The following NFATC1 variants were observed in gnomAD, a reference collection of about 807,000 sequenced individuals.
NFATC1 encodes nuclear factor of activated T cells 1, also known as nuclear factor of activated T-cells, cytoplasmic 1.
NFATC1 carries 22 observed loss-of-function variants against 76.0 expected under a neutral mutation model. The observed-to-expected ratio is 0.29, with a 90% confidence interval of 0.21 to 0.41. The LOEUF is 0.41. NFATC1 is among the 10% of genes least tolerant of loss of function. The pLI, the probability that NFATC1 is intolerant of heterozygous loss-of-function variation, is 1.00. For missense variants in NFATC1, 1,357 were observed against 1,337.7 expected (o/e 1.01, Z -0.23); for synonymous variants, 704 against 613.1 (o/e 1.15, Z -2.19).
chr18:79,508,125 A>T, intron 9 of NFATC1, among the ~76,000 whole-genome samples: 1 of 152,128 alleles, frequency 6.6e-6, no homozygotes, highest in East Asian at 1.9e-4. Flanking sequence ...GTGAACTTCA[A>T]TTATTTTTGT....
Position 79,451,134 on chromosome 18 carries a change from G to T in NFATC1, c.1762+8G>T. On this transcript the variant is annotated splice_region_variant and intron_variant, in intron 5 of 9. Transcript: ENST00000427363. Reference sequence around the variant, plus strand: ...CCAACCCCATCGAATGCTGTAAGTGGACGTCCACGCGCCCACAGGGGAGGA... The same window carrying T: ...CCAACCCCATCGAATGCTGTAAGTGTACGTCCACGCGCCCACAGGGGAGGA... The T allele has an allele frequency of 6.2e-7, 1 of 1,603,996 alleles. No individual in the cohort carries two copies. Among genetic ancestry groups the T allele is most frequent in the African/African-American group, 1.3e-5 (1 of 74,882 alleles).
chr18:79,469,084 C>G (rs750385825), intron 8 of NFATC1: 4 of 159,426 alleles, frequency 2.5e-5, no homozygotes, highest in Non-Finnish European at 5.4e-5. Context: ...TCTGGACCCC[C>G]CTGGGGTTTA....
chr18:79,471,254 C>T (rs571387589), intron 8 of NFATC1, among the ~76,000 whole-genome samples: 1 of 152,236 alleles, frequency 6.6e-6, no homozygotes, highest in Admixed American at 6.5e-5. Flanking sequence ...AGGAGAGAGG[C>T]GAACCTGGAA....
intron 1 of NFATC1, among the ~76,000 whole-genome samples, chr18:79,404,122 A>G (rs1199735825): frequency 2.0e-5 from 3 of 152,250 alleles, no homozygotes; most frequent in Non-Finnish European, 4.4e-5. Context: ...CCTTGAAAAC[A>G]GAATTCAAAA....
At chr18:79,479,142 T>C (rs1428806111) in intron 8 of NFATC1, among the ~76,000 whole-genome samples, 1 of 152,280 alleles carries the variant, frequency 6.6e-6, no homozygotes, top group Non-Finnish European at 1.5e-5. Flanking sequence ...ACGAGTTTCA[T>C]AAACTCACCC....
At chr18:79,474,777 C>A (rs930117112) in intron 8 of NFATC1, among the ~76,000 whole-genome samples, 1 of 148,344 alleles carries the variant, frequency 6.7e-6, no homozygotes, top group African/African-American at 2.5e-5. Context: ...TCACTGTCGA[C>A]GTTGCGAGGG....
intron 7 of NFATC1, among the ~76,000 whole-genome samples, chr18:79,462,077 A>C (rs57873727): frequency 0.055 from 8,413 of 152,212 alleles, 743 homozygotes; most frequent in African/African-American, 0.19. Flanking sequence ...CACCGCGTGC[A>C]TACAGCCGGT....
At chr18:79,441,506 G>C (rs994085588) in intron 3 of NFATC1, among the ~76,000 whole-genome samples, 2 of 152,146 alleles carry the variant, frequency 1.3e-5, no homozygotes, top group African/African-American at 4.8e-5. Context: ...CCGGTCCTCA[G>C]GCCACCCTGC....
Position 79,471,335 on chromosome 18 carries a change from A to G in NFATC1, c.2092+3753A>G, listed in dbSNP as rs140371266. On this transcript the variant is annotated intron_variant, in intron 8 of 9. Transcript: ENST00000427363. The stretch of plus-strand genomic sequence containing the variant: ...GGCCTGGGGCTTGTGTGAGGGGTGC[A>G]CTTGTGCCCCCAGATACAAGCAGGC... Among the ~76,000 whole-genome samples the G allele has an allele frequency of 5.2e-3, 792 of 152,238 alleles. 10 individuals carry two copies. Among genetic ancestry groups the G allele is most frequent in the African/African-American group, 0.018 (737 of 41,536 alleles).
intron 3 of NFATC1, among the ~76,000 whole-genome samples, chr18:79,437,453 C>T (rs1318725299): frequency 6.6e-6 from 1 of 152,214 alleles, no homozygotes; most frequent in Non-Finnish European, 1.5e-5. Flanking sequence ...GCACCTTGGC[C>T]ACCAGTTCTC....
Position 79,508,148 on chromosome 18 carries a change from G to A in NFATC1, c.2783-19380G>A, listed in dbSNP as rs148204638. 5.9e-5 allele frequency among the ~76,000 whole-genome samples: 9 copies of A among 152,256 alleles called. No individual in the cohort carries two copies. In the East Asian group the frequency reaches 1.7e-3, roughly 29 times the overall value. ...CAATTATTTTTGTGGATTTCAGATTGTTTTCTGGGATTCCCAGACTCCCAG... is the reference window on the plus strand; with the variant it reads ...CAATTATTTTTGTGGATTTCAGATTATTTTCTGGGATTCCCAGACTCCCAG... On this transcript the variant is annotated intron_variant, in intron 9 of 9. Coordinates refer to ENST00000427363, the MANE Select transcript of NFATC1 (RefSeq NM_001278669.2).
chr18:79,400,159 C>A, intron 1 of NFATC1: 1 of 1,055,540 alleles, frequency 9.5e-7, no homozygotes, highest in Non-Finnish European at 1.2e-6. Context: ...GCGGGGGGGA[C>A]ACGAGTTTAT....
intron 2 of NFATC1, among the ~76,000 whole-genome samples, chr18:79,424,401 C>T (rs1285660133): frequency 2.0e-5 from 3 of 152,376 alleles, no homozygotes; most frequent in African/African-American, 7.2e-5. Flanking sequence ...GGTCTTGGGG[C>T]AGCTCCAGAC....
At chr18:79,406,485 C>T (rs534847375) in intron 1 of NFATC1, among the ~76,000 whole-genome samples, 34 of 152,168 alleles carry the variant, frequency 2.2e-4, no homozygotes, top group South Asian at 1.0e-3. Context: ...GCTGTGCTTT[C>T]GGGTCTCCTG....
chr18:79,438,408 C>A (rs1600713236), intron 3 of NFATC1, among the ~76,000 whole-genome samples: 1 of 152,206 alleles, frequency 6.6e-6, no homozygotes, highest in Non-Finnish European at 1.5e-5. Flanking sequence ...TGGCACCCAC[C>A]ATCCCACGGG....
chr18:79,489,837 C>T (rs2145081202), intron 9 of NFATC1, among the ~76,000 whole-genome samples: 1 of 152,354 alleles, frequency 6.6e-6, no homozygotes, highest in East Asian at 1.9e-4. Flanking sequence ...CTTCTGCCTC[C>T]ATAACCTGGG....
rs769048849 is a variant in NFATC1, at chr18:79,486,298, T to C, written c.2143T>C (p.Cys715Arg). 1 of 1,613,174 alleles carries C rather than the reference T, an allele frequency of 6.2e-7. No homozygotes were observed. The highest frequency in any genetic ancestry group is 1.1e-5 in the South Asian group (1 of 91,082). ...PTDDYEPAPT[C>R]GPVSQGLSPL... ...TGATGATTATGAGCCTGCTCCAACCTGTGGACCGGTGAGCCAGGGGTTAAG... is the reference window on the plus strand; with the variant it reads ...TGATGATTATGAGCCTGCTCCAACCCGTGGACCGGTGAGCCAGGGGTTAAG... The change falls in exon 9 of 10, where the codon TGT becomes CGT. Residue 715 changes from cysteine to arginine, a missense_variant. By Grantham distance (180) the Cys-to-Arg change is radical. Coordinates refer to ENST00000427363, the MANE Select transcript of NFATC1 (RefSeq NM_001278669.2).
rs1205866913 is a variant in NFATC1 at position 79,524,950 on chromosome 18, G to A, written c.2783-2578G>A. Among the ~76,000 whole-genome samples the A allele has an allele frequency of 1.3e-5, 2 of 151,838 alleles. No homozygotes were observed. The highest frequency in any genetic ancestry group is 2.4e-5 in the African/African-American group (1 of 41,278). On this transcript the variant is annotated intron_variant, in intron 9 of 9. Transcript: ENST00000427363. The surrounding 1 kb of genome is among the most constrained non-coding windows in gnomAD (Gnocchi z 7.2). ...GAACACGATGGAGACCTCAGACGCC[G>A]TCCCCACCCTGTCACTGTCACCATC...
intron 3 of NFATC1, among the ~76,000 whole-genome samples, chr18:79,443,431 C>G (rs370573076): frequency 6.6e-6 from 1 of 152,240 alleles, no homozygotes; most frequent in Non-Finnish European, 1.5e-5. Flanking sequence ...CCACTACTCA[C>G]CCAGGGCCTC....
Sources: gnomAD v4.1 joint callset for allele counts (sites outside exome capture counted in the v4.1 genomes callset) on GRCh38, gnomAD v4.1.1 for gene constraint, Gnocchi (gnomAD v3.1) non-coding constraint, MANE v1.5 for transcripts, NCBI Gene and HGNC (gene_info 2026-07-23, HGNC 2026-07-21) for gene names.